Variants in LATS2 observed in about 807,000 individuals in gnomAD.
LATS2 encodes the protein serine/threonine-protein kinase LATS2.
LATS2 carries 24 observed loss-of-function variants against 76.0 expected under a neutral mutation model. That is an observed-to-expected ratio of 0.32 (90% CI 0.23 to 0.44). The LOEUF (loss-of-function observed/expected upper bound fraction) is 0.44. Ranked by LOEUF, LATS2 falls within the 20% of genes least tolerant of loss-of-function variation. The pLI is 1.00. For missense variants in LATS2, 1,286 were observed against 1,481.2 expected, an observed-to-expected ratio of 0.87 and a Z score of 2.16; for synonymous variants, 692 against 635.4, an observed-to-expected ratio of 1.09 and a Z score of -1.34.
At chr13:21,007,375 C>A (rs906052535) in intron 2 of LATS2, among the ~76,000 whole-genome samples, 1 of 149,128 alleles carries the variant, frequency 6.7e-6, no homozygotes, top group Non-Finnish European at 1.5e-5. Context: ...TGATTATAAA[C>A]CAACAGGCAT....
At chr13:21,037,852 C>A (rs1369326555) in intron 2 of LATS2, among the ~76,000 whole-genome samples, 4 of 152,182 alleles carry the variant, frequency 2.6e-5, no homozygotes, top group Non-Finnish European at 5.9e-5. Context: ...GGCCTGCCAG[C>A]AGCTGGGATC....
chr13:21,027,887 C>G (rs1872368175), intron 2 of LATS2, among the ~76,000 whole-genome samples: 1 of 152,092 alleles, frequency 6.6e-6, no homozygotes, highest in South Asian at 2.1e-4. Flanking sequence ...GTCTTCTGAT[C>G]TGTGAACATA....
At position 20,998,870 on chromosome 13, in the gene LATS2, A is replaced by G. The variant is rs569002895; in HGVS notation, c.343-7466T>C. Reference sequence around the variant, plus strand: ...TGGGGGCCCTGCGACATTGTCCACGACCTTGTGCACGCGGGGCGGGGGCCC... The same window carrying G: ...TGGGGGCCCTGCGACATTGTCCACGGCCTTGTGCACGCGGGGCGGGGGCCC... On this transcript the variant is annotated intron_variant, in intron 2 of 7. Transcript: ENST00000382592. Among the ~76,000 whole-genome samples, 310 of 152,108 alleles carry G rather than the reference A, an allele frequency of 2.0e-3. 1 individual carries two copies. Among genetic ancestry groups the G allele is most frequent in the African/African-American group, 7.2e-3 (297 of 41,482 alleles).
intron 2 of LATS2, among the ~76,000 whole-genome samples, chr13:21,025,336 G>A (rs1264620432): frequency 6.7e-6 from 1 of 148,696 alleles, no homozygotes; most frequent in Non-Finnish European, 1.5e-5. Context: ...AGGTTGCAAT[G>A]AGCCAAGATC....
At chr13:21,055,289 C>T (rs1231134127) in intron 1 of LATS2, among the ~76,000 whole-genome samples, 3 of 132,570 alleles carry the variant, frequency 2.3e-5, no homozygotes, top group African/African-American at 7.9e-5. Context: ...ATAAATATGA[C>T]CCTCATGGAT....
intron 2 of LATS2, among the ~76,000 whole-genome samples, chr13:20,993,178 T>C (rs1006410832): frequency 2.8e-4 from 43 of 152,136 alleles, no homozygotes; most frequent in African/African-American, 1.0e-3. Context: ...GATGCAGCAC[T>C]GAGTGTCCCC....
At chr13:20,979,067 T>C (rs1595208922) in intron 7 of LATS2, among the ~76,000 whole-genome samples, 1 of 152,210 alleles carries the variant, frequency 6.6e-6, no homozygotes, top group Non-Finnish European at 1.5e-5. Flanking sequence ...CAGCCTATGA[T>C]CCTCCCAAAG....
intron 2 of LATS2, among the ~76,000 whole-genome samples, chr13:20,992,802 C>T (rs1205815491): frequency 1.3e-5 from 2 of 151,846 alleles, no homozygotes; most frequent in Non-Finnish European, 2.9e-5. Flanking sequence ...TTTGGGAGGC[C>T]GAGGCAGGTG....
intron 2 of LATS2, among the ~76,000 whole-genome samples, chr13:21,007,530 G>GGA (rs199542359): frequency 4.5e-5 from 1 of 22,342 alleles, no homozygotes; most frequent in African/African-American, 3.5e-4. Flanking sequence ...CGTAGGGGAT[G>GGA]GATATATATA....
chr13:20,997,381 A>G (rs1779475846), intron 2 of LATS2, among the ~76,000 whole-genome samples: 2 of 152,232 alleles, frequency 1.3e-5, no homozygotes, highest in African/African-American at 2.4e-5. Context: ...CCCATATGCT[A>G]TCTGATATAG....
chr13:20,976,902 C>T (rs1869649622), intron 7 of LATS2, among the ~76,000 whole-genome samples: 1 of 152,156 alleles, frequency 6.6e-6, no homozygotes, highest in Non-Finnish European at 1.5e-5. Context: ...AAAAGTTAAA[C>T]ACAGAACGAC....
At position 20,991,474 on chromosome 13, in the gene LATS2, C is replaced by T. The variant is rs755426636; in HGVS notation, c.343-70G>A. 7 of 1,575,602 alleles carry T rather than the reference C, an allele frequency of 4.4e-6. No individual in the cohort carries two copies. The highest frequency in any genetic ancestry group is 6.1e-6 in the Non-Finnish European group (7 of 1,149,724). ...CAAAGCCACCAAAGACTCCCATCCC[C>T]ACTCCGTGCTGGACTGTGCTGGGAC... On this transcript the variant is annotated intron_variant, in intron 2 of 7. Coordinates refer to ENST00000382592, the MANE Select transcript of LATS2 (RefSeq NM_014572.3). This position sits in a 1 kb window ranked among gnomAD's most constrained non-coding sequence, Gnocchi z 4.9.
Position 20,974,746 on chromosome 13 carries a change from G to T in LATS2, c.*124C>A. The T allele has an allele frequency of 9.8e-7, 1 of 1,022,890 alleles. No individual in the cohort carries two copies. The highest frequency in any genetic ancestry group is 1.4e-6 in the Non-Finnish European group (1 of 714,116). The allele number at this position is 1,022,890 out of a possible 1,614,324, so 63.4% of individuals were successfully genotyped here. On this transcript the variant is annotated 3_prime_UTR_variant, in exon 8 of 8. Transcript: ENST00000382592. Reference sequence around the variant, plus strand: ...TTCTTGGTGAAGAGCAGAATTTCAAGTGAAGTAATCGACGGACTAATTTAA... The same window carrying T: ...TTCTTGGTGAAGAGCAGAATTTCAATTGAAGTAATCGACGGACTAATTTAA...
At position 20,989,108 on chromosome 13, in the gene LATS2, G is replaced by A. The variant is rs770391008; in HGVS notation, c.672C>T (p.Pro224=). ...YLFPGVGPHG[P]GHQHQHPPKG... ...TGGGTGGGTGCTGGTGCTGGTGGCC[G>A]GGCCCGTGGGGGCCGACTCCGGGGA... The change falls in exon 4 of 8, where the codon CCC becomes CCT. Residue 224 remains proline (P), a synonymous_variant. Transcript: ENST00000382592. 1.9e-5 allele frequency: 31 copies of A among 1,602,962 alleles called. No homozygotes were observed. The highest frequency in any genetic ancestry group is 4.0e-5 in the African/African-American group (3 of 74,772).
intron 2 of LATS2, among the ~76,000 whole-genome samples, chr13:21,000,489 G>A (rs614674): frequency 0.26 from 39,094 of 151,568 alleles, 5,462 homozygotes; most frequent in African/African-American, 0.36. Context: ...AAGTTATTAA[G>A]TTTTTTTTAT....
intron 1 of LATS2, among the ~76,000 whole-genome samples, chr13:21,050,797 G>T (rs1054058451): frequency 6.6e-6 from 1 of 152,204 alleles, no homozygotes; most frequent in East Asian, 1.9e-4. Flanking sequence ...TGGAGAGACT[G>T]TAAAAAGGCA....
chr13:21,056,268 G>A (rs1476573897), intron 1 of LATS2, among the ~76,000 whole-genome samples: 1 of 151,852 alleles, frequency 6.6e-6, no homozygotes, highest in African/African-American at 2.4e-5. Context: ...CGAATTCCTG[G>A]ACTCAAGTGA....
chr13:20,993,078 C>T (rs1054678739), intron 2 of LATS2, among the ~76,000 whole-genome samples: 1 of 143,246 alleles, frequency 7.0e-6, no homozygotes, highest in African/African-American at 2.6e-5. Flanking sequence ...GGTGGAGATA[C>T]AGAAAGACCC....
Position 20,983,261 on chromosome 13 carries a change from C to A in LATS2, c.2445G>T (p.Gly815=), listed in dbSNP as rs1869980877. The A allele has an allele frequency of 6.2e-7, 1 of 1,613,682 alleles. No individual in the cohort carries two copies. Among genetic ancestry groups the A allele is most frequent in the Admixed American group, 1.7e-5 (1 of 59,976 alleles). The change falls in exon 5 of 8, where the codon GGG becomes GGT. Residue 815 remains glycine, a synonymous_variant. Coordinates refer to ENST00000382592, the MANE Select transcript of LATS2 (RefSeq NM_014572.3). ...ATTTGGAATTGTGAGTCCACCTGAA[C>A]CCAGTGCAGAGGCCGAAATCTGTGA... ...IKLTDFGLCT[G]FRWTHNSKYY...
Sources: gnomAD v4.1 joint callset for allele counts (sites outside exome capture counted in the v4.1 genomes callset) on GRCh38, gnomAD v4.1.1 for gene constraint, Gnocchi (gnomAD v3.1) non-coding constraint, MANE v1.5 for transcripts, NCBI Gene and HGNC (gene_info 2026-07-23, HGNC 2026-07-21) for gene names.